The following CCDC192 variants were observed in gnomAD, a reference collection of about 807,000 sequenced individuals.
CCDC192 encodes coiled-coil domain containing 192.
At chr5:127,869,398 G>T (rs1026710321) in intron 5 of CCDC192, among the ~76,000 whole-genome samples, 1 of 152,144 alleles carries the variant, frequency 6.6e-6, no homozygotes, top group Non-Finnish European at 1.5e-5. Flanking sequence ...ATTGTAGGTG[G>T]CCAATAACTG....
intron 6 of CCDC192, among the ~76,000 whole-genome samples, chr5:127,934,207 C>T (rs1754129191): frequency 6.6e-6 from 1 of 152,152 alleles, no homozygotes; most frequent in African/African-American, 2.4e-5. Flanking sequence ...AAGTCACTTA[C>T]TAAAACAGAC....
At chr5:127,814,224 T>G (rs1323755021) in intron 5 of CCDC192, among the ~76,000 whole-genome samples, 3 of 152,160 alleles carry the variant, frequency 2.0e-5, no homozygotes, top group African/African-American at 7.2e-5. Context: ...GACTAGAAGT[T>G]CAGTAGAGGG....
intron 5 of CCDC192, among the ~76,000 whole-genome samples, chr5:127,828,997 G>C (rs1206513607): frequency 6.6e-6 from 1 of 152,158 alleles, no homozygotes; most frequent in Non-Finnish European, 1.5e-5. Flanking sequence ...ACCTGGTTGG[G>C]GGCAGATATT....
In CCDC192 at chr5:127,917,894, C is replaced by T. The variant is rs557763223; in HGVS notation, c.536-23288C>T. Among the ~76,000 whole-genome samples, 3 of 152,270 alleles carry T rather than the reference C, an allele frequency of 2.0e-5. No homozygotes were observed. The East Asian group carries it at 5.8e-4, about 29-fold the overall frequency. On this transcript the variant is annotated intron_variant, in intron 6 of 6. Coordinates refer to ENST00000514853, the MANE Select transcript of CCDC192 (RefSeq NM_001317938.2). The stretch of plus-strand genomic sequence containing the variant: ...GTGGCTCACACCTGTAATCCCAGCA[C>T]TTTGGGAGGCTTAGGCGGGTGGGTC...
intron 5 of CCDC192, among the ~76,000 whole-genome samples, chr5:127,806,496 A>G (rs977854116): frequency 1.3e-5 from 2 of 152,120 alleles, no homozygotes; most frequent in Non-Finnish European, 1.5e-5. Context: ...GACATTTTTT[A>G]TAAATACCTA....
chr5:127,929,172 A>T (rs914217452), intron 6 of CCDC192, among the ~76,000 whole-genome samples: 1 of 152,204 alleles, frequency 6.6e-6, no homozygotes, highest in Non-Finnish European at 1.5e-5. Context: ...TTATTTCATC[A>T]TTTTTAGTAT....
intron 1 of CCDC192, 83 bp downstream of exon 1, chr5:127,703,590 A>T: frequency 2.5e-6 from 1 of 393,852 alleles, no homozygotes; most frequent in East Asian, 3.6e-5. Context: ...TTAAAAAAAA[A>T]TCTTTCTTTA....
intron 2 of CCDC192, among the ~76,000 whole-genome samples, chr5:127,739,162 G>C (rs1222110045): frequency 6.6e-6 from 1 of 152,040 alleles, no homozygotes; most frequent in East Asian, 1.9e-4. Flanking sequence ...AGGACCCTCA[G>C]CTGCAGGTCT....
chr5:127,734,778 GT>G (rs1185522772), intron 2 of CCDC192, among the ~76,000 whole-genome samples: 1 of 150,210 alleles, frequency 6.7e-6, no homozygotes, highest in Non-Finnish European at 1.5e-5. Context: ...GGGGTTGTTT[GT>G]TTTTTTCTTG....
intron 1 of CCDC192, among the ~76,000 whole-genome samples, chr5:127,706,283 C>T (rs1010990739): frequency 6.6e-6 from 1 of 152,078 alleles, no homozygotes; most frequent in East Asian, 1.9e-4. Flanking sequence ...AATCCCAGCA[C>T]TTTGGGAAGC....
At chr5:127,752,719 C>T (rs1294930945) in intron 2 of CCDC192, among the ~76,000 whole-genome samples, 1 of 152,228 alleles carries the variant, frequency 6.6e-6, no homozygotes. Context: ...AGCCTCGCTG[C>T]CGCCTTGCAG....
intron 6 of CCDC192, among the ~76,000 whole-genome samples, chr5:127,910,030 T>G (rs1025313641): frequency 6.6e-6 from 1 of 152,198 alleles, no homozygotes; most frequent in African/African-American, 2.4e-5. Flanking sequence ...TGAAAAAGGC[T>G]TATGTTAAAC....
At chr5:127,779,552 C>T (rs1314457319) in intron 3 of CCDC192, among the ~76,000 whole-genome samples, 3 of 152,162 alleles carry the variant, frequency 2.0e-5, no homozygotes, top group East Asian at 3.9e-4. Context: ...GCCTCAGCCT[C>T]CCAAAGTGCT....
intron 5 of CCDC192, among the ~76,000 whole-genome samples, chr5:127,839,753 G>A (rs1750201784): frequency 6.6e-6 from 1 of 151,852 alleles, no homozygotes; most frequent in African/African-American, 2.4e-5. Flanking sequence ...ATTGAATAGG[G>A]ATACTGTATT....
chr5:127,930,747 G>C (rs1361126549), intron 6 of CCDC192, among the ~76,000 whole-genome samples: 3 of 152,146 alleles, frequency 2.0e-5, no homozygotes, highest in East Asian at 3.9e-4. Context: ...GTTAGCCTAG[G>C]TTATCCTACC....
intron 6 of CCDC192, among the ~76,000 whole-genome samples, chr5:127,894,187 ATTT>A (rs70997350): frequency 8.1e-5 from 9 of 111,004 alleles, no homozygotes; most frequent in African/African-American, 2.5e-4. Flanking sequence ...GTCCTATCTA[ATTT>A]TTTTTTTTTT....
chr5:127,768,833 TC>T (rs1755384774), intron 3 of CCDC192, among the ~76,000 whole-genome samples: 1 of 152,224 alleles, frequency 6.6e-6, no homozygotes, highest in Admixed American at 6.5e-5. Context: ...AAATCTACAT[TC>T]AGATATAGGG....
intron 6 of CCDC192, among the ~76,000 whole-genome samples, chr5:127,929,620 T>A (rs551598849): frequency 2.0e-4 from 30 of 152,268 alleles, no homozygotes; most frequent in African/African-American, 6.7e-4. Flanking sequence ...ACAAGTAAAA[T>A]CCTGATAAAC....
At chr5:127,761,992 C>T (rs1399331068) in intron 3 of CCDC192, among the ~76,000 whole-genome samples, 1 of 152,010 alleles carries the variant, frequency 6.6e-6, no homozygotes, top group African/African-American at 2.4e-5. Context: ...ATTTTTGATA[C>T]TGAATTTGTG....
Sources: allele counts gnomAD v4.1 joint callset (sites outside exome capture counted in the v4.1 genomes callset), GRCh38; gene constraint gnomAD v4.1.1; transcripts MANE v1.5; gene names NCBI Gene and HGNC (gene_info 2026-07-23, HGNC 2026-07-21).